The following KCNC3 variants were observed in gnomAD, a reference collection of about 807,000 sequenced individuals.
KCNC3 encodes voltage-gated potassium channel KCNC3.
In KCNC3, 22 loss-of-function variants were observed where a neutral mutation model predicts 43.9. The ratio of observed to expected loss-of-function variants is 0.50; its 90% CI spans 0.36 to 0.72. The LOEUF (loss-of-function observed/expected upper bound fraction) is 0.72, where lower values mean the gene tolerates loss of function less well. Among genes scored for constraint, KCNC3 ranks in the 30% least tolerant of loss-of-function variants. The probability of loss-of-function intolerance (pLI) is 0.00; values close to 1 mark genes in which losing one functional copy is unlikely to be tolerated. For synonymous variants in KCNC3, 492 were observed against 488.0 expected, an observed-to-expected ratio of 1.01 and a Z score of -0.11; for missense variants, 829 against 1,073.8, an observed-to-expected ratio of 0.77 and a Z score of 3.19.
rs1601090730 is a variant in KCNC3, at chr19:50,314,647, A to G, written c.*1468T>C. ...TTTTGGGGAGGGAAGAGTTGGGGGGACGGGCTGTGGCCCCTCTCTCCATCC... is the reference window on the plus strand; with the variant it reads ...TTTTGGGGAGGGAAGAGTTGGGGGGGCGGGCTGTGGCCCCTCTCTCCATCC... On this transcript the variant is annotated 3_prime_UTR_variant, in exon 5 of 5. Coordinates refer to ENST00000477616, the MANE Select transcript of KCNC3 (RefSeq NM_004977.3). 9.3e-6 allele frequency: 3 copies of G among 323,668 alleles called. No individual in the cohort carries two copies. Among genetic ancestry groups the G allele is most frequent in the Non-Finnish European group, 1.8e-5 (3 of 169,934 alleles). The allele number at this position is 323,668 out of a possible 1,614,324, so 20.0% of individuals were successfully genotyped here. A position where few individuals can be genotyped will look rare whatever the true frequency, so the allele number is the denominator to read the frequency against.
intron 4 of KCNC3, among the ~76,000 whole-genome samples, chr19:50,317,902 C>T (rs1417340946): frequency 2.6e-5 from 4 of 152,110 alleles, no homozygotes; most frequent in Admixed American, 2.0e-4. Flanking sequence ...TGGGCTCAGA[C>T]AGTCCTCCCA....
At chr19:50,316,242 T>G (rs1601092189) in intron 4 of KCNC3, among the ~76,000 whole-genome samples, 151 bp from the exon 5 acceptor site, 3 of 109,950 alleles carry the variant, frequency 2.7e-5, no homozygotes, top group African/African-American at 7.1e-5. Flanking sequence ...AGCAGTGAAA[T>G]GGGGGGCGGC....
upstream of KCNC3, among the ~76,000 whole-genome samples, chr19:50,330,666 G>C (rs1202543246): frequency 6.6e-6 from 1 of 152,190 alleles, no homozygotes; most frequent in Admixed American, 6.5e-5. Context: ...AGAGAGGACG[G>C]GAGAGGGGAG....
At chr19:50,321,899 C>T (rs11666170) in intron 2 of KCNC3, among the ~76,000 whole-genome samples, 4,165 of 151,448 alleles carry the variant, frequency 0.028, 90 homozygotes, top group Non-Finnish European at 0.045. Context: ...GTAGGGGTAG[C>T]GGGTGGAGGC....
intron 4 of KCNC3, among the ~76,000 whole-genome samples, chr19:50,319,923 A>C (rs1412996112): frequency 6.6e-6 from 1 of 150,994 alleles, no homozygotes; most frequent in African/African-American, 2.4e-5. Context: ...TTTAAAAAAA[A>C]CCCTAGGACC....
rs957552808 is a variant in KCNC3, at chr19:50,329,059, C to A, written c.24G>T (p.Ser8=). ...TGGCCCCCTGGCGCCCGCGGAAGGA[C>A]GAGACGCAGACTGAGCTCAGCATTG... MLSSVCV[S]SFRGRQGASK... Residue 8 remains serine (S), a synonymous_variant, in exon 1 of 5, where the codon TCG becomes TCT. Transcript: ENST00000477616. 2.9e-4 allele frequency: 390 copies of A among 1,322,978 alleles called. No homozygotes were observed. Among genetic ancestry groups the A allele is most frequent in the Non-Finnish European group, 3.5e-4 (362 of 1,034,640 alleles). 82.0% of individuals were successfully genotyped at this position (1,322,978 alleles called of 1,614,324 possible).
At position 50,323,728 on chromosome 19, in the gene KCNC3, C is replaced by A. The variant is rs1372478003; in HGVS notation, c.1225G>T (p.Val409Leu). 1 of 1,614,216 alleles carries A rather than the reference C, an allele frequency of 6.2e-7. No individual in the cohort carries two copies. The highest frequency in any genetic ancestry group is 1.1e-5 in the South Asian group (1 of 91,088). Residue 409 changes from valine (V) to leucine (L), a missense_variant, in exon 2 of 5, where the codon GTG (valine) becomes TTG (leucine). By Grantham distance (32) the Val-to-Leu change is conservative. Coordinates refer to ENST00000477616, the MANE Select transcript of KCNC3 (RefSeq NM_004977.3). The stretch of plus-strand genomic sequence containing the variant: ...CGGACCACCCGCAGGAAGCCCAGCA[C>A]GTCTTTGGCGGCCTTGGAGCTGAGG... ...SGLSSKAAKD[V>L]LGFLRVVRFV...
In KCNC3 at chr19:50,323,955, G is replaced by A. The variant is rs2037070686; in HGVS notation, c.998C>T (p.Pro333Leu). The stretch of plus-strand genomic sequence containing the variant: ...CTCCACGTTGGTGATGTTCTCCGGA[G>A]GTGCCCCGGGGATCGGGGAGGCCTG... ...VTQASPIPGAPPENITNVEVE... is the reference protein window; with the variant it reads ...VTQASPIPGALPENITNVEVE... The change falls in exon 2 of 5, where the codon CCT (proline) becomes CTT (leucine). Residue 333 changes from proline (P) to leucine (L), a missense_variant. Transcript: ENST00000477616. 3 of 1,613,676 alleles carry A rather than the reference G, an allele frequency of 1.9e-6. No homozygotes were observed. Among genetic ancestry groups the A allele is most frequent in the South Asian group, 1.1e-5 (1 of 91,090 alleles).
At chr19:50,326,999 T>C (rs1044373948) in intron 1 of KCNC3, among the ~76,000 whole-genome samples, 10 of 151,530 alleles carry the variant, frequency 6.6e-5, no homozygotes, top group Non-Finnish European at 1.0e-4. Context: ...GTAAGTTATT[T>C]TGAGATGAAA....
intron 1 of KCNC3, among the ~76,000 whole-genome samples, chr19:50,326,541 ACG>A (rs145343344): frequency 0.15 from 22,282 of 151,982 alleles, 1,885 homozygotes; most frequent in Admixed American, 0.26. Context: ...CCGGCTCAGG[ACG>A]CGGCACGGTG....
chr19:50,323,267 G>T lies in KCNC3; in HGVS notation c.1686C>A (p.His562Gln). The change falls in exon 2 of 5, where the codon CAC becomes CAA. Residue 562 changes from histidine to glutamine, a missense_variant. Physicochemically the swap from His to Gln is conservative, Grantham distance 24. Transcript: ENST00000477616. ...KQKLPKKKNKHIPRPPQPGSP... is the reference protein window; with the variant it reads ...KQKLPKKKNKQIPRPPQPGSP... ...AGCCCGGTTGCGGGGGCCGGGGGATGTGTTTGTTCTTCTTCTTGGGCAGCT... is the reference window on the plus strand; with the variant it reads ...AGCCCGGTTGCGGGGGCCGGGGGATTTGTTTGTTCTTCTTCTTGGGCAGCT... The T allele has an allele frequency of 6.2e-7, 1 of 1,606,588 alleles. No homozygotes were observed.
chr19:50,324,726 T>C lies in KCNC3; in HGVS notation c.871-644A>G, dbSNP rs140286998. Among the ~76,000 whole-genome samples, 584 of 152,222 alleles carry C rather than the reference T, an allele frequency of 3.8e-3. 2 individuals carry two copies. The highest frequency in any genetic ancestry group is 0.013 in the African/African-American group (554 of 41,534). On this transcript the variant is annotated intron_variant, in intron 1 of 4. Coordinates refer to ENST00000477616, the MANE Select transcript of KCNC3 (RefSeq NM_004977.3). The surrounding 1 kb of genome is among the most constrained non-coding windows in gnomAD (Gnocchi z 4.1). The stretch of plus-strand genomic sequence containing the variant: ...ACGAAGGACTTGGCTCCAAACACAG[T>C]GCTTGGAGCAGTGCCTGGAACACAG...
Position 50,312,021 on chromosome 19 carries a change from G to T in KCNC3, c.*4094C>A, listed in dbSNP as rs1443350467. On this transcript the variant is annotated 3_prime_UTR_variant, in exon 5 of 5. Coordinates refer to ENST00000477616, the MANE Select transcript of KCNC3 (RefSeq NM_004977.3). ...CATGACACTTTTTCTTTGGGGAGAGGGGGGTGACATGCGGCAGCTTCTGCA... is the reference window on the plus strand; with the variant it reads ...CATGACACTTTTTCTTTGGGGAGAGTGGGGTGACATGCGGCAGCTTCTGCA... The T allele has an allele frequency of 6.6e-6, 1 of 152,112 alleles. No homozygotes were observed. The highest frequency in any genetic ancestry group is 1.5e-5 in the Non-Finnish European group (1 of 68,018). The allele number at this position is 152,112 out of a possible 1,614,324, so 9.4% of individuals were successfully genotyped here.
intron 4 of KCNC3, 27 bp downstream of exon 4, chr19:50,320,196 G>A (rs2037008678): frequency 3.1e-6 from 1 of 322,020 alleles, no homozygotes; most frequent in Non-Finnish European, 5.6e-6. Context: ...TGGGGGTCCG[G>A]GGGATCAGAG....
upstream of KCNC3, among the ~76,000 whole-genome samples, chr19:50,331,355 C>T (rs2037187041): frequency 6.8e-6 from 1 of 146,990 alleles, no homozygotes. Context: ...GGGCTCTGTA[C>T]CGCACTCCCT....
chr19:50,324,158 T>C lies in KCNC3; in HGVS notation c.871-76A>G. 7.0e-7 allele frequency: 1 copy of C among 1,429,280 alleles called. No individual in the cohort carries two copies. Among genetic ancestry groups the C allele is most frequent in the Non-Finnish European group, 9.4e-7 (1 of 1,066,942 alleles). The allele number at this position is 1,429,280 out of a possible 1,614,324, so 88.5% of individuals were successfully genotyped here. A position where few individuals can be genotyped will look rare whatever the true frequency, so the allele number is the denominator to read the frequency against. On this transcript the variant is annotated intron_variant, in intron 1 of 4. Transcript: ENST00000477616. This position sits in a 1 kb window ranked among gnomAD's most constrained non-coding sequence, Gnocchi z 4.1. Reference sequence around the variant, plus strand: ...TTGGCCATAACATCCAGAAGACCCTTCCAGTGCCCCCTTCCCCAGCCTCCT... The same window carrying C: ...TTGGCCATAACATCCAGAAGACCCTCCCAGTGCCCCCTTCCCCAGCCTCCT...
In KCNC3 at chr19:50,313,502, G is replaced by C. The variant is rs1325638664; in HGVS notation, c.*2613C>G. Reference sequence around the variant, plus strand: ...ACCAAAGGTACAAATACAACCCTCTGGGAAACACTGGTGTCTGTGAAGAGG... The same window carrying C: ...ACCAAAGGTACAAATACAACCCTCTCGGAAACACTGGTGTCTGTGAAGAGG... On this transcript the variant is annotated 3_prime_UTR_variant, in exon 5 of 5. Coordinates refer to ENST00000477616, the MANE Select transcript of KCNC3 (RefSeq NM_004977.3). 6.6e-6 allele frequency: 1 copy of C among 152,200 alleles called. No individual in the cohort carries two copies. Among genetic ancestry groups the C allele is most frequent in the Non-Finnish European group, 1.5e-5 (1 of 68,046 alleles). The allele number at this position is 152,200 out of a possible 1,614,324, so 9.4% of individuals were successfully genotyped here. A position where few individuals can be genotyped will look rare whatever the true frequency, so the allele number is the denominator to read the frequency against.
intron 4 of KCNC3, among the ~76,000 whole-genome samples, chr19:50,318,897 C>T (rs772148271): frequency 9.4e-5 from 14 of 148,256 alleles, no homozygotes; most frequent in Admixed American, 2.8e-4. Context: ...GCCAACATAG[C>T]GAGACCCCAA....
chr19:50,328,428 C>T lies in KCNC3; in HGVS notation c.655G>A (p.Ala219Thr). 7 of 1,537,454 alleles carry T rather than the reference C, an allele frequency of 4.6e-6. No homozygotes were observed. The highest frequency in any genetic ancestry group is 6.1e-6 in the Non-Finnish European group (7 of 1,145,408). Residue 219 changes from alanine to threonine, a missense_variant, in exon 1 of 5, where the codon GCC becomes ACC. Transcript: ENST00000477616. The part of the protein sequence containing the change: ...GAANAANAAG[A>T]HDGGLDDEAG... ...TCGTCGTCCAGGCCTCCGTCGTGGG[C>T]GCCTGCGGCGTTGGCGGCGTTGGCG... is the stretch of plus-strand genomic sequence containing the variant.
Sources: gnomAD v4.1 joint callset for allele counts (sites outside exome capture counted in the v4.1 genomes callset) on GRCh38, gnomAD v4.1.1 for gene constraint, Gnocchi (gnomAD v3.1) non-coding constraint, MANE v1.5 for transcripts, NCBI Gene and HGNC (gene_info 2026-07-23, HGNC 2026-07-21) for gene names.